MS4A4A: variants seen among roughly 807,000 people sequenced by gnomAD.
The protein encoded by MS4A4A is membrane-spanning 4-domains subfamily A member 4A.
MS4A4A carries 26 observed loss-of-function variants against 28.0 expected under a neutral mutation model. That is an observed-to-expected ratio of 0.93 (90% CI 0.68 to 1.29). MS4A4A has a LOEUF of 1.29. Among genes scored for constraint, MS4A4A ranks in the 50% most tolerant of loss-of-function variants. The probability of loss-of-function intolerance (pLI) is 0.00; values close to 1 mark genes in which losing one functional copy is unlikely to be tolerated. For missense variants in MS4A4A, 290 were observed against 293.1 expected, an observed-to-expected ratio of 0.99 and a Z score of 0.08; for synonymous variants, 86 against 100.8, an observed-to-expected ratio of 0.85 and a Z score of 0.88.
intron 3 of MS4A4A, among the ~76,000 whole-genome samples, chr11:60,299,162 G>T (rs1030458400): frequency 6.6e-6 from 1 of 152,054 alleles, no homozygotes; most frequent in Non-Finnish European, 1.5e-5. Context: ...TTTTTCCAAG[G>T]TGCCTTATTG....
At chr11:60,290,524 A>C (rs2084845771) in intron 1 of MS4A4A, among the ~76,000 whole-genome samples, 1 of 152,052 alleles carries the variant, frequency 6.6e-6, no homozygotes, top group Non-Finnish European at 1.5e-5. Flanking sequence ...TTTTGGTTAC[A>C]TTCTTATATA....
At chr11:60,302,301 A>T (rs2084958758) in intron 4 of MS4A4A, among the ~76,000 whole-genome samples, 2 of 152,020 alleles carry the variant, frequency 1.3e-5, no homozygotes, top group Admixed American at 1.3e-4. Context: ...GACATTGAAA[A>T]CCCTGCTAAA....
chr11:60,288,684 C>T (rs2084823828), intron 1 of MS4A4A, among the ~76,000 whole-genome samples: 1 of 152,106 alleles, frequency 6.6e-6, no homozygotes, highest in South Asian at 2.1e-4. Context: ...TAGGGCATGG[C>T]AATATCCCAG....
intron 6 of MS4A4A, among the ~76,000 whole-genome samples, chr11:60,306,533 G>A (rs994862948): frequency 1.3e-5 from 2 of 152,080 alleles, no homozygotes; most frequent in African/African-American, 4.8e-5. Context: ...TCTCACAAAG[G>A]GTTCACATGA....
intron 2 of MS4A4A, chr11:60,296,890 G>A (rs115739426): frequency 0.022 from 6,873 of 308,590 alleles, 95 homozygotes; most frequent in Non-Finnish European, 0.028. Flanking sequence ...CTGAGCTCAT[G>A]AGAAAAAAAG....
intron 2 of MS4A4A, among the ~76,000 whole-genome samples, chr11:60,292,716 G>A (rs2084868645): frequency 6.6e-6 from 1 of 152,142 alleles, no homozygotes; most frequent in South Asian, 2.1e-4. Flanking sequence ...AGGCCTTCCT[G>A]ATAGCTGACA....
In MS4A4A at chr11:60,302,696, TG is replaced by T. The variant is rs752297993; in HGVS notation, c.528del (p.Thr177LeufsTer5). 16 of 1,613,944 alleles carry T rather than the reference TG, an allele frequency of 9.9e-6. No homozygotes were observed. Among genetic ancestry groups the T allele is most frequent in the Non-Finnish European group, 1.4e-5 (16 of 1,179,808 alleles). Reference sequence around the variant, plus strand: ...ACTATGGCAACTCAAATAATTGTCATGGGACTATGTCCATCTTAATGGTTGG... The same window carrying T: ...ACTATGGCAACTCAAATAATTGTCATGGACTATGTCCATCTTAATGGTTGG... Reference protein sequence around the residue: ...NYYGNSNNCHGTMSILMGLDG... With the variant: ...NYYGNSNNCHXTMSILMGLDG... On this transcript the variant is annotated frameshift_variant, in exon 5 of 7. Transcript: ENST00000337908. LOFTEE classifies it high-confidence loss of function.
intron 1 of MS4A4A, 136 bp downstream of exon 1, chr11:60,280,852 G>A (rs1379511694): frequency 1.1e-5 from 11 of 1,024,732 alleles, no homozygotes; most frequent in Middle Eastern, 2.1e-4. Context: ...TCAGGGTTGG[G>A]GTGGGTTGAG....
chr11:60,302,608 C>T lies in MS4A4A; in HGVS notation c.437C>T (p.Ser146Leu), dbSNP rs534598268. Residue 146 changes from serine to leucine, a missense_variant, in exon 5 of 7, where the codon TCA becomes TTA. Physicochemically the swap from Ser to Leu is moderately radical, Grantham distance 145. Transcript: ENST00000337908. ...MNITSSVLAASGILINTFSLA... is the reference protein window; with the variant it reads ...MNITSSVLAALGILINTFSLA... ...ATCACCAGCTCTGTACTGGCTGCAT[C>T]AGGGATCTTAATCAACACATTTAGC... is the stretch of plus-strand genomic sequence containing the variant. The T allele has an allele frequency of 6.2e-7, 1 of 1,614,110 alleles. No homozygotes were observed. Among genetic ancestry groups the T allele is most frequent in the East Asian group, 2.2e-5 (1 of 44,860 alleles).
chr11:60,296,023 T>C (rs1477678035), intron 2 of MS4A4A, among the ~76,000 whole-genome samples: 1 of 152,088 alleles, frequency 6.6e-6, no homozygotes, highest in African/African-American at 2.4e-5. Flanking sequence ...AAGGAGTATG[T>C]CCTCTGTTTC....
chr11:60,305,233 T>G (rs572906820), intron 5 of MS4A4A, among the ~76,000 whole-genome samples: 1 of 152,248 alleles, frequency 6.6e-6, no homozygotes, highest in African/African-American at 2.4e-5. Flanking sequence ...ACCTACTTGA[T>G]GTTCATTGTT....
intron 6 of MS4A4A, 90 bp from the exon 7 acceptor site, chr11:60,308,017 A>G: frequency 8.9e-7 from 1 of 1,119,700 alleles, no homozygotes; most frequent in Non-Finnish European, 1.3e-6. Context: ...AAAAGAGTAA[A>G]CTCTGATAAT....
In MS4A4A at chr11:60,292,330, T is replaced by A. The variant is rs1250780259; in HGVS notation, c.147T>A (p.His49Gln). 3.7e-6 allele frequency: 6 copies of A among 1,610,524 alleles called. No homozygotes were observed. Among genetic ancestry groups the A allele is most frequent in the Non-Finnish European group, 5.1e-6 (6 of 1,178,510 alleles). Reference protein sequence around the residue: ...QLGNMAVIHSHLWKGLQEKFL... With the variant: ...QLGNMAVIHSQLWKGLQEKFL... ...GAAACATGGCTGTCATACATTCACA[T>A]CTGTGGAAAGGATTGCAAGAGAAGT... The change falls in exon 2 of 7, where the codon CAT (histidine) becomes CAA (glutamine). Residue 49 changes from histidine to glutamine, a missense_variant. His to Gln is a conservative substitution (Grantham distance 24, BLOSUM62 0). Transcript: ENST00000337908.
intron 1 of MS4A4A, among the ~76,000 whole-genome samples, chr11:60,291,046 T>G (rs1411754102): frequency 6.6e-6 from 1 of 152,190 alleles, no homozygotes; most frequent in Admixed American, 6.5e-5. Context: ...TCCCTAAAAA[T>G]TTATGGAAGT....
In MS4A4A at chr11:60,308,129, A is replaced by G; in HGVS notation, c.671A>G (p.His224Arg). 6.2e-7 allele frequency: 1 copy of G among 1,614,010 alleles called. No homozygotes were observed. The highest frequency in any genetic ancestry group is 1.1e-5 in the South Asian group (1 of 91,064). ...PGGVVLILPSHSHMAETASPT... is the reference protein window; with the variant it reads ...PGGVVLILPSRSHMAETASPT... ...CAGGTTGTGTTAATTCTGCCATCACATTCTCACATGGCAGAAACAGCATCT... is the reference window on the plus strand; with the variant it reads ...CAGGTTGTGTTAATTCTGCCATCACGTTCTCACATGGCAGAAACAGCATCT... Residue 224 changes from histidine (H) to arginine (R), a missense_variant, in exon 7 of 7, where the codon CAT becomes CGT. Transcript: ENST00000337908.
chr11:60,308,244 C>T lies in MS4A4A; in HGVS notation c.*66C>T. 1 of 1,483,704 alleles carries T rather than the reference C, an allele frequency of 6.7e-7. No homozygotes were observed. Among genetic ancestry groups the T allele is most frequent in the Non-Finnish European group, 9.4e-7 (1 of 1,064,948 alleles). 91.9% of individuals were successfully genotyped at this position (1,483,704 alleles called of 1,614,324 possible). ...TGCTGACTGTGACACAAGAGCCTCA[C>T]ATGAGAAATTACCAGTATCCAACTT... On this transcript the variant is annotated 3_prime_UTR_variant, in exon 7 of 7. Coordinates refer to ENST00000337908, the MANE Select transcript of MS4A4A (RefSeq NM_148975.3).
chr11:60,308,693 C>T lies in MS4A4A; in HGVS notation c.*515C>T, dbSNP rs896933701. 21 of 152,710 alleles carry T rather than the reference C, an allele frequency of 1.4e-4. No individual in the cohort carries two copies. Among genetic ancestry groups the T allele is most frequent in the African/African-American group, 5.1e-4 (21 of 41,410 alleles). The allele number at this position is 152,710 out of a possible 1,614,324, so 9.5% of individuals were successfully genotyped here. A position where few individuals can be genotyped will look rare whatever the true frequency, so the allele number is the denominator to read the frequency against. On this transcript the variant is annotated 3_prime_UTR_variant, in exon 7 of 7. Coordinates refer to ENST00000337908, the MANE Select transcript of MS4A4A (RefSeq NM_148975.3). ...GCCATCTCCCCCTCCCTTTTTCCTT[C>T]TCCTGCTTTTCTTTCCCCATAGAAA...
rs767673327 is a variant in MS4A4A at position 60,287,525 on chromosome 11, T to G, written c.42-4700T>G. ...ATGGCAATTAAGTTTTCAAATGAGT[T>G]TTAGAGGGGACATTGAAACCATAGC... On this transcript the variant is annotated intron_variant, in intron 1 of 6. Coordinates refer to ENST00000337908, the MANE Select transcript of MS4A4A (RefSeq NM_148975.3). Among the ~76,000 whole-genome samples the G allele has an allele frequency of 1.4e-4, 21 of 152,280 alleles. No individual in the cohort carries two copies. In the Middle Eastern group the frequency reaches 0.01, roughly 74 times the overall value.
At chr11:60,306,267 A>AG in intron 6 of MS4A4A, 66 bp downstream of exon 6, 1 of 1,241,116 alleles carries the variant, frequency 8.1e-7, no homozygotes, top group Non-Finnish European at 1.2e-6. Flanking sequence ...TCGATTACAC[A>AG]CACTTAGAGT....
Sources: allele counts gnomAD v4.1 joint callset (sites outside exome capture counted in the v4.1 genomes callset), GRCh38; gene constraint gnomAD v4.1.1; transcripts MANE v1.5; gene names NCBI Gene and HGNC (gene_info 2026-07-23, HGNC 2026-07-21).